SGCG: variants seen among roughly 807,000 people sequenced by gnomAD.
SGCG encodes the protein gamma-sarcoglycan.
A neutral mutation model predicts 29.3 loss-of-function variants in SGCG; 26 were observed. The ratio of observed to expected loss-of-function variants is 0.89; its 90% CI spans 0.65 to 1.23. The LOEUF is 1.23. Among genes scored for constraint, SGCG ranks in the 50% most tolerant of loss-of-function variants. SGCG has a pLI of 0.00. For synonymous variants in SGCG, 145 were observed against 129.7 expected (o/e 1.12, Z -0.80); for missense variants, 353 against 356.0 (o/e 0.99, Z 0.07).
At position 23,280,922 on chromosome 13, in the gene SGCG, CA is replaced by C. The variant is rs1416343774; in HGVS notation, c.505+1445del. Among the ~76,000 whole-genome samples the C allele has an allele frequency of 2.0e-5, 3 of 152,296 alleles. No homozygotes were observed. The East Asian group carries it at 5.8e-4, about 29-fold the overall frequency. ...CAATAAGATGAACTTTTCCTTAGCC[CA>C]GGGCTCCTTCCGGGCCATGACATCA... On this transcript the variant is annotated intron_variant, in intron 5 of 7. Coordinates refer to ENST00000218867, the MANE Select transcript of SGCG (RefSeq NM_000231.3).
intron 4 of SGCG, among the ~76,000 whole-genome samples, chr13:23,269,865 G>GTTTTTTTTTTTTT (rs759448810): frequency 9.9e-6 from 1 of 101,240 alleles, no homozygotes; most frequent in Non-Finnish European, 2.3e-5. Context: ...GCTTTTTTTT[G>GTTTTTTTTTTTTT]TTTTTTTTGT....
intron 4 of SGCG, among the ~76,000 whole-genome samples, chr13:23,254,525 A>T (rs1880103179): frequency 6.6e-6 from 1 of 152,156 alleles, no homozygotes; most frequent in Admixed American, 6.5e-5. Flanking sequence ...TTAAAATTTG[A>T]ATTTATATTT....
chr13:23,287,380 C>T (rs1042835256), intron 5 of SGCG, among the ~76,000 whole-genome samples: 4 of 147,084 alleles, frequency 2.7e-5, no homozygotes, highest in African/African-American at 9.8e-5. Flanking sequence ...AAGAAATGAG[C>T]CTCAGTCTTG....
At chr13:23,165,619 G>A in the SGCG span, among the ~76,000 whole-genome samples, 1 of 151,964 alleles carries the variant, frequency 6.6e-6, no homozygotes. Context: ...CCACCTCCCG[G>A]GTTCAAGCGA....
At chr13:23,302,925 G>A (rs995423418) in intron 6 of SGCG, among the ~76,000 whole-genome samples, 1 of 152,132 alleles carries the variant, frequency 6.6e-6, no homozygotes, top group Non-Finnish European at 1.5e-5. Context: ...GTCACTCTAC[G>A]TTCTGAACTC....
intron 4 of SGCG, among the ~76,000 whole-genome samples, chr13:23,272,336 A>G (rs1880903597): frequency 6.6e-6 from 1 of 152,126 alleles, no homozygotes; most frequent in Non-Finnish European, 1.5e-5. Context: ...CTCAATGCCT[A>G]TTTTCTAGAA....
At chr13:23,186,553 C>T (rs1307975652) in intron 1 of SGCG, among the ~76,000 whole-genome samples, 2 of 152,156 alleles carry the variant, frequency 1.3e-5, no homozygotes, top group Non-Finnish European at 2.9e-5. Flanking sequence ...TCTACGCTCA[C>T]CATTGGTTTC....
At chr13:23,234,356 G>A (rs957456646) in intron 2 of SGCG, among the ~76,000 whole-genome samples, 2 of 151,784 alleles carry the variant, frequency 1.3e-5, no homozygotes, top group African/African-American at 2.4e-5. Flanking sequence ...TTCTTACATG[G>A]TGATGGGCTC....
intron 6 of SGCG, among the ~76,000 whole-genome samples, chr13:23,300,637 C>T (rs1039769126): frequency 6.6e-6 from 1 of 152,024 alleles, no homozygotes; most frequent in African/African-American, 2.4e-5. Context: ...ACGCATACTA[C>T]TTCACGGTAT....
chr13:23,216,647 A>T (rs1160437434), intron 2 of SGCG, among the ~76,000 whole-genome samples: 1 of 152,108 alleles, frequency 6.6e-6, no homozygotes, highest in African/African-American at 2.4e-5. Flanking sequence ...GTATTTTCTT[A>T]AAGTTGTTGC....
At chr13:23,202,503 T>G (rs908557259) in intron 1 of SGCG, among the ~76,000 whole-genome samples, 1 of 152,178 alleles carries the variant, frequency 6.6e-6, no homozygotes, top group African/African-American at 2.4e-5. Flanking sequence ...GGAATACATC[T>G]GGTAGTTTGG....
intron 2 of SGCG, among the ~76,000 whole-genome samples, chr13:23,212,058 C>T (rs1005754454): frequency 2.7e-4 from 41 of 152,220 alleles, no homozygotes; most frequent in African/African-American, 9.4e-4. Flanking sequence ...CCCTCTCTCT[C>T]TTGCTCCTGC....
chr13:23,275,786 C>T (rs565866499), intron 4 of SGCG, among the ~76,000 whole-genome samples: 21 of 152,198 alleles, frequency 1.4e-4, no homozygotes, highest in Middle Eastern at 3.2e-3. Context: ...CTTTGTGCTT[C>T]CAGCCCAGTC....
chr13:23,179,206 A>G (rs3764063), upstream of SGCG, among the ~76,000 whole-genome samples: 59,996 of 152,122 alleles, frequency 0.39, 13,841 homozygotes, highest in Middle Eastern at 0.53. Context: ...TGTGTGAGTT[A>G]CAAACTTAAG....
intron 2 of SGCG, among the ~76,000 whole-genome samples, chr13:23,221,027 G>A (rs773079688): frequency 1.2e-5 from 1 of 86,228 alleles, no homozygotes; most frequent in Non-Finnish European, 2.5e-5. Flanking sequence ...TTCATCTACA[G>A]CAATGTTTTA....
the SGCG span, among the ~76,000 whole-genome samples, chr13:23,166,802 A>C: frequency 6.6e-6 from 1 of 152,196 alleles, no homozygotes; most frequent in Non-Finnish European, 1.5e-5. Flanking sequence ...TAGTAGGTGT[A>C]TATATTTATG....
At chr13:23,248,645 G>A (rs1242893568) in intron 3 of SGCG, among the ~76,000 whole-genome samples, 1 of 141,080 alleles carries the variant, frequency 7.1e-6, no homozygotes, top group Non-Finnish European at 1.6e-5. Context: ...GGCGAGCCCA[G>A]ATGGCGCCAC....
At chr13:23,175,418 T>C in the SGCG span, among the ~76,000 whole-genome samples, 3 of 152,184 alleles carry the variant, frequency 2.0e-5, no homozygotes, top group Non-Finnish European at 2.9e-5. Flanking sequence ...ATATTTCCTG[T>C]GATTCTGATA....
chr13:23,249,993 A>G (rs1222139554), intron 3 of SGCG, among the ~76,000 whole-genome samples: 1 of 152,158 alleles, frequency 6.6e-6, no homozygotes, highest in African/African-American at 2.4e-5. Context: ...TTTCAAAACT[A>G]TTGTTTACTG....
Sources: gnomAD v4.1 joint callset for allele counts (sites outside exome capture counted in the v4.1 genomes callset) on GRCh38, gnomAD v4.1.1 for gene constraint, MANE v1.5 for transcripts, NCBI Gene and HGNC (gene_info 2026-07-23, HGNC 2026-07-21) for gene names.